The following ABCB8 variants were observed in gnomAD, a reference collection of about 807,000 sequenced individuals.
ABCB8 encodes mitochondrial potassium channel ATP-binding subunit.
ABCB8 carries 52 observed loss-of-function variants against 73.0 expected under a neutral mutation model. The observed-to-expected ratio is 0.71, with a 90% CI of 0.57 to 0.90. The LOEUF is 0.90. Among genes scored for constraint, ABCB8 ranks in the 40% least tolerant of loss-of-function variants. The pLI is 0.00. For synonymous variants in ABCB8, 428 were observed against 423.5 expected (o/e 1.01, Z -0.13); for missense variants, 909 against 974.6 (o/e 0.93, Z 0.90).
Position 151,028,565 on chromosome 7 carries a change from G to T in ABCB8, c.50G>T (p.Gly17Val). Residue 17 changes from glycine (G) to valine (V), a missense_variant, in exon 1 of 16, where the codon GGC (glycine) becomes GTC (valine). By Grantham distance (109) the Gly-to-Val change is moderately radical. Coordinates refer to ENST00000358849, the MANE Select transcript of ABCB8 (RefSeq NM_007188.5). ...RVGIRGGPFP[G>V]RLLPPLRFQT... Reference sequence around the variant, plus strand: ...GGGATTCGGGGTGGCCCATTCCCAGGCAGGCTGCTACCGCCCCTCCGCTTC... The same window carrying T: ...GGGATTCGGGGTGGCCCATTCCCAGTCAGGCTGCTACCGCCCCTCCGCTTC... 1.9e-6 allele frequency: 3 copies of T among 1,614,026 alleles called. No homozygotes were observed. The highest frequency in any genetic ancestry group is 2.5e-6 in the Non-Finnish European group (3 of 1,180,026).
Position 151,035,566 on chromosome 7 carries a change from C to T in ABCB8, c.766-15C>T, listed in dbSNP as rs1259403732. The stretch of plus-strand genomic sequence containing the variant: ...GCGGACGCCGTAGCCTCCCGCCTTC[C>T]CTCCCACTCCCTAGGGGCTGCGAAG... On this transcript the variant is annotated splice_polypyrimidine_tract_variant and intron_variant, in intron 5 of 15. Transcript: ENST00000358849. 6.3e-7 allele frequency: 1 copy of T among 1,578,424 alleles called. No individual in the cohort carries two copies. The highest frequency in any genetic ancestry group is 1.1e-5 in the South Asian group (1 of 88,550).
In ABCB8 at chr7:151,044,325, G is replaced by A. The variant is rs922539790; in HGVS notation, c.2016+104G>A. ...ATATGAAGTTGTGGCCTGGCCCCAG[G>A]GCCTTGGGGGCTATATTCTGGAAGC... On this transcript the variant is annotated intron_variant, in intron 15 of 15. Coordinates refer to ENST00000358849, the MANE Select transcript of ABCB8 (RefSeq NM_007188.5). 2.0e-6 allele frequency: 3 copies of A among 1,506,502 alleles called. No individual in the cohort carries two copies. In the African/African-American group the frequency reaches 4.1e-5, roughly 21 times the overall value. The allele number at this position is 1,506,502 out of a possible 1,614,324, so 93.3% of individuals were successfully genotyped here.
rs749559319 is a variant in ABCB8, at chr7:151,028,458, C to T, written c.-58C>T. 25 of 1,558,252 alleles carry T rather than the reference C, an allele frequency of 1.6e-5. No individual in the cohort carries two copies. In the African/African-American group the frequency reaches 1.9e-4, roughly 12 times the overall value. Reference sequence around the variant, plus strand: ...TGGGGGCGGGAGCCAACATAGAGCCCTCAGTGGGATGAGGGTGAAACTGCT... The same window carrying T: ...TGGGGGCGGGAGCCAACATAGAGCCTTCAGTGGGATGAGGGTGAAACTGCT... On this transcript the variant is annotated 5_prime_UTR_variant, in exon 1 of 16. Coordinates refer to ENST00000358849, the MANE Select transcript of ABCB8 (RefSeq NM_007188.5).
intron 6 of ABCB8, 39 bp from the exon 7 acceptor site, chr7:151,035,843 T>C (rs1206544882): frequency 6.2e-7 from 1 of 1,611,040 alleles, no homozygotes; most frequent in Non-Finnish European, 8.5e-7. Context: ...CTTGTCCTGT[T>C]TTCTGGACTC....
Position 151,036,667 on chromosome 7 carries a change from C to G in ABCB8, c.1217+18C>G, listed in dbSNP as rs1438648832. On this transcript the variant is annotated intron_variant, in intron 9 of 15. Transcript: ENST00000358849. ...GTGCAAAGGTAAGTGGGGGCCGTTC[C>G]CATTGCTACAGAGCCCCCTGCCGCC... 1.3e-6 allele frequency: 2 copies of G among 1,574,994 alleles called. No homozygotes were observed. The highest frequency in any genetic ancestry group is 1.1e-5 in the South Asian group (1 of 87,204).
rs373120571 is a variant in ABCB8, at chr7:151,046,105, G to A, written c.*756G>A. 1.4e-4 allele frequency: 22 copies of A among 152,224 alleles called. No individual in the cohort carries two copies. The highest frequency in any genetic ancestry group is 1.0e-3 in the Admixed American group (16 of 15,278). The allele number at this position is 152,224 out of a possible 1,614,324, so 9.4% of individuals were successfully genotyped here. On this transcript the variant is annotated 3_prime_UTR_variant, in exon 16 of 16. Coordinates refer to ENST00000358849, the MANE Select transcript of ABCB8 (RefSeq NM_007188.5). ...CCAGCCTGCCTGGCTGTCTTCCACC[G>A]GCCCTGCCCTGTGTGCCTGGCGTCT...
intron 9 of ABCB8, chr7:151,037,379 C>G: frequency 1.4e-6 from 1 of 700,802 alleles, no homozygotes; most frequent in East Asian, 2.7e-5. Context: ...AAGCTGACCC[C>G]TGTCCCCACA....
Position 151,041,100 on chromosome 7 carries a change from A to T in ABCB8, c.1485A>T (p.Gly495=). The T allele has an allele frequency of 1.2e-6, 2 of 1,613,576 alleles. No individual in the cohort carries two copies. Among genetic ancestry groups the T allele is most frequent in the Non-Finnish European group, 1.7e-6 (2 of 1,179,962 alleles). ...IVALVGQSGG[G]KTTVASLLER... is the part of the protein sequence containing the mutation. Reference sequence around the variant, plus strand: ...CTCCCTCTCAACCCAATTCCCCAGGAAAGACCACCGTGGCTTCCCTGCTGG... The same window carrying T: ...CTCCCTCTCAACCCAATTCCCCAGGTAAGACCACCGTGGCTTCCCTGCTGG... The change falls in exon 13 of 16, where the codon GGA becomes GGT. Residue 495 remains glycine (G), a splice_region_variant and synonymous_variant. Transcript: ENST00000358849.
chr7:151,028,470 A>G lies in ABCB8; in HGVS notation c.-46A>G, dbSNP rs1218005402. On this transcript the variant is annotated 5_prime_UTR_variant, in exon 1 of 16. Transcript: ENST00000358849. ...CCAACATAGAGCCCTCAGTGGGATG[A>G]GGGTGAAACTGCTATTGCCGGCGGC... is the stretch of plus-strand genomic sequence containing the variant. 2.5e-6 allele frequency: 4 copies of G among 1,579,810 alleles called. No individual in the cohort carries two copies. In the East Asian group the frequency reaches 9.2e-5, roughly 36 times the overall value.
chr7:151,034,396 A>C lies in ABCB8; in HGVS notation c.532A>C (p.Ser178Arg), dbSNP rs140819512. 1.5e-4 allele frequency: 245 copies of C among 1,613,864 alleles called. 1 individual carries two copies. The African/African-American group carries it at 2.9e-3, about 19-fold the overall frequency. The change falls in exon 3 of 16, where the codon AGC becomes CGC. Residue 178 changes from serine to arginine, a missense_variant. Transcript: ENST00000358849. ...GSFMTESQNL[S>R]THLLILYGVQ... ...TTTCATGACTGAGTCCCAGAATCTC[A>C]GCACCCACCTGCTTATCCTCTATGG...
At chr7:151,039,940 C>T (rs1223009537) in intron 9 of ABCB8, 1 of 323,794 alleles carries the variant, frequency 3.1e-6, no homozygotes, top group Non-Finnish European at 5.7e-6. Flanking sequence ...GCACAGGCCT[C>T]ACCCTGCAGA....
At position 151,035,629 on chromosome 7, in the gene ABCB8, A is replaced by C; in HGVS notation, c.814A>C (p.Met272Leu). Residue 272 changes from methionine (M) to leucine (L), a missense_variant, in exon 6 of 16, where the codon ATG becomes CTG. Physicochemically the swap from Met to Leu is conservative, Grantham distance 15. Transcript: ENST00000358849. The part of the protein sequence containing the change: ...QVAGCLVSLS[M>L]LSTRLTLLLM... The stretch of plus-strand genomic sequence containing the variant: ...GGCAGGCTGCCTGGTGTCCCTGTCC[A>C]TGCTGTCGACACGCCTCACGCTGCT... 1 of 1,608,710 alleles carries C rather than the reference A, an allele frequency of 6.2e-7. No homozygotes were observed. Among genetic ancestry groups the C allele is most frequent in the Non-Finnish European group, 8.5e-7 (1 of 1,176,010 alleles).
chr7:151,034,245 A>G, intron 2 of ABCB8, 28 bp from the exon 3 acceptor site: 1 of 1,595,846 alleles, frequency 6.3e-7, no homozygotes, highest in Non-Finnish European at 8.5e-7. Context: ...CACTTAAAAC[A>G]TTTGTGCCCT....
chr7:151,028,662 A>T (rs774155720), intron 1 of ABCB8, 52 bp downstream of exon 1: 13 of 1,583,346 alleles, frequency 8.2e-6, no homozygotes, highest in African/African-American at 4.0e-5. Flanking sequence ...CCGGCAGGGC[A>T]GTGCCGGCCC....
intron 13 of ABCB8, 28 bp downstream of exon 13, chr7:151,041,260 C>A (rs766398986): frequency 1.3e-6 from 2 of 1,580,814 alleles, no homozygotes; most frequent in South Asian, 1.1e-5. Context: ...CAGCCCTTGG[C>A]TCCCACTGCC....
chr7:151,035,204 C>T (rs563195917), intron 5 of ABCB8, among the ~76,000 whole-genome samples: 16 of 152,356 alleles, frequency 1.1e-4, no homozygotes, highest in African/African-American at 3.8e-4. Context: ...CACAGATGCC[C>T]TCCCCTTATC....
chr7:151,036,924 A>G (rs1402793528), intron 9 of ABCB8: 2 of 724,448 alleles, frequency 2.8e-6, no homozygotes, highest in Non-Finnish European at 5.0e-6. Flanking sequence ...GCTTTTTAAA[A>G]ATTTGTTTCA....
At position 151,041,185 on chromosome 7, in the gene ABCB8, C is replaced by T. The variant is rs1380595263; in HGVS notation, c.1570C>T (p.Leu524Phe). The stretch of plus-strand genomic sequence containing the variant: ...GCTGGATGGGCGGGACCTGCGCACC[C>T]TTGACCCCTCCTGGCTCCGGGGCCA... ...VMLDGRDLRT[L>F]DPSWLRGQVV... The change falls in exon 13 of 16, where the codon CTT (leucine) becomes TTT (phenylalanine). Residue 524 changes from leucine (L) to phenylalanine (F), a missense_variant. By Grantham distance (22) the Leu-to-Phe change is conservative. Transcript: ENST00000358849. 6.2e-7 allele frequency: 1 copy of T among 1,608,902 alleles called. No individual in the cohort carries two copies. The highest frequency in any genetic ancestry group is 8.5e-7 in the Non-Finnish European group (1 of 1,179,878).
At position 151,034,299 on chromosome 7, in the gene ABCB8, T is replaced by C; in HGVS notation, c.435T>C (p.Asn145=). The C allele has an allele frequency of 6.2e-7, 1 of 1,613,636 alleles. No homozygotes were observed. Among genetic ancestry groups the C allele is most frequent in the Non-Finnish European group, 8.5e-7 (1 of 1,179,962 alleles). The part of the protein sequence containing the change: ...VVLALGAALV[N]VQIPLLLGQL... ...TGGCCTTGGGTGCGGCACTCGTGAA[T>C]GTACAGATCCCCCTGCTCCTGGGCC... The change falls in exon 3 of 16, where the codon AAT becomes AAC. Residue 145 remains asparagine (N), a synonymous_variant. Coordinates refer to ENST00000358849, the MANE Select transcript of ABCB8 (RefSeq NM_007188.5).
Sources: allele counts gnomAD v4.1 joint callset (sites outside exome capture counted in the v4.1 genomes callset), GRCh38; gene constraint gnomAD v4.1.1; transcripts MANE v1.5; gene names NCBI Gene and HGNC (gene_info 2026-07-23, HGNC 2026-07-21).